CEP162: variants seen among roughly 807,000 people sequenced by gnomAD.
The protein encoded by CEP162 is centrosomal protein 162, also known as centrosomal protein of 162 kDa.
In CEP162, 141 loss-of-function variants were observed where a neutral mutation model predicts 169.2. The ratio of observed to expected loss-of-function variants is 0.83; its 90% CI spans 0.73 to 0.96. The LOEUF (loss-of-function observed/expected upper bound fraction) is 0.96. Ranked by LOEUF, CEP162 falls within the 40% of genes least tolerant of loss-of-function variation. The pLI is 0.00. For synonymous variants in CEP162, 540 were observed against 526.4 expected (o/e 1.03, Z -0.35); for missense variants, 1,600 against 1,587.2 (o/e 1.01, Z -0.14).
intron 15 of CEP162, 66 bp downstream of exon 15, chr6:84,174,661 G>T: frequency 1.4e-6 from 1 of 727,970 alleles, no homozygotes; most frequent in Non-Finnish European, 2.2e-6. Flanking sequence ...AATGTATTTA[G>T]CAGGGAATTC....
At chr6:84,201,011 G>A (rs1159371067) in intron 8 of CEP162, 106 bp from the exon 9 acceptor site, 3 of 580,134 alleles carry the variant, frequency 5.2e-6, no homozygotes. Context: ...GGGCGCGGTG[G>A]CTCACGCCTG....
intron 21 of CEP162, among the ~76,000 whole-genome samples, chr6:84,158,841 A>G (rs1202577404): frequency 6.6e-6 from 1 of 151,910 alleles, no homozygotes; most frequent in African/African-American, 2.4e-5. Context: ...GGGAAAAATG[A>G]GATTTTATTT....
At chr6:84,154,358 G>GTCTGTCTGTCTA (rs1554165787) in intron 22 of CEP162, among the ~76,000 whole-genome samples, 89 of 149,772 alleles carry the variant, frequency 5.9e-4, no homozygotes, top group Admixed American at 1.8e-3. Context: ...CTGTCTGTCT[G>GTCTGTCTGTCTA]TCTATCTATC....
chr6:84,151,089 A>C (rs2099520911), intron 23 of CEP162, among the ~76,000 whole-genome samples: 1 of 152,138 alleles, frequency 6.6e-6, no homozygotes, highest in Non-Finnish European at 1.5e-5. Context: ...AGAATGAGGA[A>C]AAGGCATGAG....
rs1588906957 is a variant in CEP162 at position 84,226,115 on chromosome 6, A to G, written c.57+222T>C. ...CTGGGGAGGAACAGAGTCTGACTGCAGTGTGGTGAAAGGAATGCTGGACCA... is the reference window on the plus strand; with the variant it reads ...CTGGGGAGGAACAGAGTCTGACTGCGGTGTGGTGAAAGGAATGCTGGACCA... On this transcript the variant is annotated intron_variant, in intron 2 of 26. Coordinates refer to ENST00000403245, the MANE Select transcript of CEP162 (RefSeq NM_014895.4). Among the ~76,000 whole-genome samples the G allele has an allele frequency of 2.0e-5, 3 of 151,832 alleles. No homozygotes were observed. The South Asian group carries it at 6.3e-4, about 32-fold the overall frequency.
chr6:84,136,279 C>T (rs1219614324), intron 25 of CEP162, among the ~76,000 whole-genome samples: 2 of 152,206 alleles, frequency 1.3e-5, no homozygotes, highest in Admixed American at 6.5e-5. Context: ...CCAAATACCA[C>T]AGACATTTAT....
rs533767635 is a variant in CEP162, at chr6:84,217,502, T to C, written c.173-1580A>G. 2.0e-5 allele frequency among the ~76,000 whole-genome samples: 3 copies of C among 152,178 alleles called. No individual in the cohort carries two copies. In the South Asian group the frequency reaches 6.2e-4, roughly 32 times the overall value. On this transcript the variant is annotated intron_variant, in intron 3 of 26. Coordinates refer to ENST00000403245, the MANE Select transcript of CEP162 (RefSeq NM_014895.4). ...TCTAAGCCAGGAAAATGCCCAGGCA[T>C]GTGTGAATAGAAAGGAGGCCAGTGT...
intron 25 of CEP162, among the ~76,000 whole-genome samples, chr6:84,131,665 CT>C (rs368082200): frequency 0.11 from 16,512 of 149,834 alleles, 2,436 homozygotes; most frequent in African/African-American, 0.34. Flanking sequence ...GCAACCGCTG[CT>C]TTTTTTTTGT....
At chr6:84,127,930 T>C (rs183861956) in intron 25 of CEP162, among the ~76,000 whole-genome samples, 2 of 152,324 alleles carry the variant, frequency 1.3e-5, no homozygotes, top group Non-Finnish European at 2.9e-5. Flanking sequence ...AAAGGGTAAG[T>C]AGTAGTCAGT....
Position 84,175,130 on chromosome 6 carries a change from CTTA to C in CEP162, c.1797+81_1797+83del, listed in dbSNP as rs1012332890. ...ACTCAAAGGAAAAGACATTTCAGTCCTTATTATATTTTGTTATATATAATTTAG... is the reference window on the plus strand; with the variant it reads ...ACTCAAAGGAAAAGACATTTCAGTCCTTATATTTTGTTATATATAATTTAG... On this transcript the variant is annotated intron_variant, in intron 14 of 26. Coordinates refer to ENST00000403245, the MANE Select transcript of CEP162 (RefSeq NM_014895.4). 5 of 984,332 alleles carry C rather than the reference CTTA, an allele frequency of 5.1e-6. No individual in the cohort carries two copies. The South Asian group carries it at 5.9e-5, about 12-fold the overall frequency. 61.0% of individuals were successfully genotyped at this position (984,332 alleles called of 1,614,324 possible). A position where few individuals can be genotyped will look rare whatever the true frequency, so the allele number is the denominator to read the frequency against.
chr6:84,158,208 G>A (rs1178506969), intron 21 of CEP162, among the ~76,000 whole-genome samples: 1 of 152,210 alleles, frequency 6.6e-6, no homozygotes, highest in Non-Finnish European at 1.5e-5. Context: ...CTGAGAGGCA[G>A]TCTAGTGTCA....
intron 6 of CEP162, among the ~76,000 whole-genome samples, chr6:84,204,863 C>T (rs2209256): frequency 0.07 from 10,691 of 151,890 alleles, 1,205 homozygotes; most frequent in African/African-American, 0.24. Context: ...AAGAATCAAA[C>T]AGATGCAATA....
chr6:84,171,849 C>G, intron 16 of CEP162, 131 bp from the exon 17 acceptor site: 1 of 405,878 alleles, frequency 2.5e-6, no homozygotes, highest in Non-Finnish European at 4.3e-6. Flanking sequence ...TATGTAAAGT[C>G]TTTTTTAAAC....
chr6:84,147,416 A>G (rs1214372018), intron 24 of CEP162, among the ~76,000 whole-genome samples: 2 of 152,106 alleles, frequency 1.3e-5, no homozygotes, highest in Non-Finnish European at 2.9e-5. Context: ...TCTAATGTTT[A>G]ATAGCAGACC....
intron 25 of CEP162, among the ~76,000 whole-genome samples, chr6:84,137,114 A>C (rs2099514470): frequency 6.6e-6 from 1 of 152,202 alleles, no homozygotes; most frequent in Non-Finnish European, 1.5e-5. Flanking sequence ...GGCAGGTGGT[A>C]TGAGTCTTAT....
chr6:84,186,482 C>A lies in CEP162; in HGVS notation c.1251G>T (p.Lys417Asn), dbSNP rs774393558. The A allele has an allele frequency of 5.5e-5, 89 of 1,613,056 alleles. No homozygotes were observed. The highest frequency in any genetic ancestry group is 6.5e-5 in the Non-Finnish European group (77 of 1,179,442). Residue 417 changes from lysine to asparagine, a missense_variant, in exon 12 of 27, where the codon AAG (lysine) becomes AAT (asparagine). Transcript: ENST00000403245. Reference protein sequence around the residue: ...DKNDENVILQKTTNESMENSC... With the variant: ...DKNDENVILQNTTNESMENSC... ...TGTTTTCCATACTCTCATTTGTGGT[C>A]TTTTGTAAAATCACATTCTCATCAT...
chr6:84,150,687 A>G lies in CEP162; in HGVS notation c.3630-984T>C, dbSNP rs546280452. Among the ~76,000 whole-genome samples, 5 of 152,316 alleles carry G rather than the reference A, an allele frequency of 3.3e-5. No homozygotes were observed. The East Asian group carries it at 9.6e-4, about 29-fold the overall frequency. The stretch of plus-strand genomic sequence containing the variant: ...AATGATGTACAGGAAAATTAATTGG[A>G]AAACCTGAATTTTAAATTCTTTCCT... On this transcript the variant is annotated intron_variant, in intron 23 of 26. Transcript: ENST00000403245.
chr6:84,136,907 C>T (rs1213585717), intron 25 of CEP162, among the ~76,000 whole-genome samples: 1 of 152,174 alleles, frequency 6.6e-6, no homozygotes, highest in East Asian at 1.9e-4. Flanking sequence ...CGGCCACACA[C>T]CAGGCACCTA....
At chr6:84,205,310 T>C (rs780763698) in intron 6 of CEP162, among the ~76,000 whole-genome samples, 19 of 151,950 alleles carry the variant, frequency 1.3e-4, no homozygotes, top group Non-Finnish European at 2.6e-4. Flanking sequence ...CTGATGAACA[T>C]GGATGCAAAA....
Sources: allele counts gnomAD v4.1 joint callset (sites outside exome capture counted in the v4.1 genomes callset), GRCh38; gene constraint gnomAD v4.1.1; transcripts MANE v1.5; gene names NCBI Gene and HGNC (gene_info 2026-07-23, HGNC 2026-07-21).